Variants in MVB12A observed in about 807,000 individuals in gnomAD.
The protein encoded by MVB12A is CIN85/CD2AP family binding protein.
A neutral mutation model predicts 34.3 loss-of-function variants in MVB12A; 30 were observed. The ratio of observed to expected loss-of-function variants is 0.88; its 90% CI spans 0.65 to 1.19. MVB12A has a LOEUF of 1.19. Ranked by LOEUF, MVB12A falls within the 50% of genes most tolerant of loss-of-function variation. The pLI, the probability that MVB12A is intolerant of heterozygous loss-of-function variation, is 0.00. For missense variants in MVB12A, 355 were observed against 369.2 expected (o/e 0.96, Z 0.31); for synonymous variants, 158 against 158.9 (o/e 0.99, Z 0.04).
chr19:17,409,109 G>A (rs141308380), intron 2 of MVB12A, among the ~76,000 whole-genome samples: 2,098 of 149,850 alleles, frequency 0.014, 58 homozygotes, highest in African/African-American at 0.048. Context: ...GATTACAAGC[G>A]TGAGCCACCG....
At chr19:17,422,221 C>G (rs558294098) in intron 3 of MVB12A, 111 bp from the exon 4 acceptor site, 3 of 957,526 alleles carry the variant, frequency 3.1e-6, no homozygotes, top group Admixed American at 2.3e-5. Flanking sequence ...CCAATGTTGT[C>G]CATGTGGCTG....
At chr19:17,409,557 T>G (rs937340020) in intron 2 of MVB12A, among the ~76,000 whole-genome samples, 3 of 149,278 alleles carry the variant, frequency 2.0e-5, no homozygotes, top group Non-Finnish European at 4.4e-5. Context: ...CAAACAATTC[T>G]CCTGCCTCAG....
At chr19:17,423,433 G>A in intron 4 of MVB12A, 65 bp from the exon 5 acceptor site, 1 of 1,557,008 alleles carries the variant, frequency 6.4e-7, no homozygotes, top group Non-Finnish European at 8.7e-7. Flanking sequence ...GCCTTCTCCA[G>A]GGGCTATCCT....
chr19:17,414,995 C>G (rs188292108), intron 2 of MVB12A: 1 of 152,386 alleles, frequency 6.6e-6, no homozygotes, highest in Admixed American at 6.5e-5. Context: ...TCGAGACCAG[C>G]CTGGGTGAAC....
chr19:17,405,808 G>T, intron 1 of MVB12A: 1 of 468,726 alleles, frequency 2.1e-6, no homozygotes, highest in Non-Finnish European at 3.8e-6. Flanking sequence ...AAAGCCCTTG[G>T]GCCCTTCCCA....
Position 17,424,924 on chromosome 19 carries a change from C to T in MVB12A, c.760-7C>T. 1 of 1,602,118 alleles carries T rather than the reference C, an allele frequency of 6.2e-7. No individual in the cohort carries two copies. The highest frequency in any genetic ancestry group is 8.5e-7 in the Non-Finnish European group (1 of 1,173,000). ...ACCTGTTCACTCTCTCTCTCCCCAT[C>T]CCCCAGTATAACTACGGCTTCGTGG... On this transcript the variant is annotated splice_region_variant and splice_polypyrimidine_tract_variant and intron_variant, in intron 8 of 8. Coordinates refer to ENST00000317040, the MANE Select transcript of MVB12A (RefSeq NM_138401.4).
At chr19:17,407,818 C>A (rs1416240879) in intron 2 of MVB12A, among the ~76,000 whole-genome samples, 1 of 152,200 alleles carries the variant, frequency 6.6e-6, no homozygotes, top group Non-Finnish European at 1.5e-5. Context: ...GGAAAAGGAG[C>A]CTCCCTTTCC....
chr19:17,411,501 G>A (rs2074769272), intron 2 of MVB12A, among the ~76,000 whole-genome samples: 1 of 151,598 alleles, frequency 6.6e-6, no homozygotes. Flanking sequence ...GACCACAGAT[G>A]CTCAGTACCA....
chr19:17,405,947 G>A (rs896283459), intron 1 of MVB12A: 2 of 169,636 alleles, frequency 1.2e-5, no homozygotes, highest in Middle Eastern at 2.7e-3. Context: ...AAGAGGCAGA[G>A]GCCATCACTG....
chr19:17,420,487 G>A, intron 2 of MVB12A, 51 bp from the exon 3 acceptor site: 3 of 1,587,534 alleles, frequency 1.9e-6, no homozygotes, highest in Non-Finnish European at 2.6e-6. Context: ...TATGCCAGGT[G>A]CGCTGTCCCC....
chr19:17,412,091 CCCCCACAGTAAATGATCAAG>C (rs1568388014), intron 2 of MVB12A, among the ~76,000 whole-genome samples: 2 of 152,126 alleles, frequency 1.3e-5, no homozygotes, highest in African/African-American at 4.8e-5. Context: ...ACAGGACGGC[CCCCCACAGTAAATGATCAAG>C]CCCCAAGTGT....
In MVB12A at chr19:17,424,075, G is replaced by C; in HGVS notation, c.702+8G>C. 1 of 1,613,824 alleles carries C rather than the reference G, an allele frequency of 6.2e-7. No homozygotes were observed. Among genetic ancestry groups the C allele is most frequent in the Middle Eastern group, 1.6e-4 (1 of 6,062 alleles). ...AAGAGCTGCAGCCCCCTGGTGAGTC[G>C]GGGTCTCAGGGAGCCTGGGTCTGCG... On this transcript the variant is annotated splice_region_variant and intron_variant, in intron 7 of 8. Transcript: ENST00000317040.
In MVB12A at chr19:17,420,309, G is replaced by C. The variant is rs560187664; in HGVS notation, c.91-4G>C. ...TCCGGCGCTGACCCGCGTCCTCCCGGTAGATCTCCTGCACCGTCGAGGGGG... is the reference window on the plus strand; with the variant it reads ...TCCGGCGCTGACCCGCGTCCTCCCGCTAGATCTCCTGCACCGTCGAGGGGG... On this transcript the variant is annotated splice_region_variant and splice_polypyrimidine_tract_variant and intron_variant, in intron 1 of 8. Transcript: ENST00000317040. 43 of 1,592,670 alleles carry C rather than the reference G, an allele frequency of 2.7e-5. No homozygotes were observed.
intron 3 of MVB12A, chr19:17,421,235 A>G (rs1599607310): frequency 2.8e-6 from 1 of 353,154 alleles, no homozygotes; most frequent in South Asian, 2.1e-5. Context: ...CCCAGGCTGG[A>G]GTGCAATGGC....
At chr19:17,408,400 A>T (rs941263685) in intron 2 of MVB12A, among the ~76,000 whole-genome samples, 81 of 149,362 alleles carry the variant, frequency 5.4e-4, no homozygotes, top group Admixed American at 2.2e-3. Context: ...ATATATATAT[A>T]TTTTAAGTAC....
upstream of MVB12A, chr19:17,419,004 C>T (rs1452220434): frequency 6.6e-6 from 1 of 151,350 alleles, no homozygotes; most frequent in Non-Finnish European, 1.5e-5. Flanking sequence ...TAAATCACCA[C>T]AAACTGGAAC....
intron 8 of MVB12A, 125 bp downstream of exon 8, chr19:17,424,802 C>T: frequency 7.4e-7 from 1 of 1,344,238 alleles, no homozygotes; most frequent in Non-Finnish European, 1.0e-6. Flanking sequence ...GCCCCAGACA[C>T]ACACCATCTC....
chr19:17,420,318 C>G lies in MVB12A; in HGVS notation c.96C>G (p.Ser32=). 1 of 1,608,844 alleles carries G rather than the reference C, an allele frequency of 6.2e-7. No individual in the cohort carries two copies. Among genetic ancestry groups the G allele is most frequent in the Non-Finnish European group, 8.5e-7 (1 of 1,178,024 alleles). ...APPPRGFSAI[S]CTVEGAPASF... ...GACCCGCGTCCTCCCGGTAGATCTC[C>G]TGCACCGTCGAGGGGGCACCCGCCA... Residue 32 remains serine, a synonymous_variant, in exon 2 of 9, where the codon TCC becomes TCG. Transcript: ENST00000317040.
At chr19:17,420,021 C>CCAG, upstream of MVB12A, 2 of 439,938 alleles carry the variant, frequency 4.5e-6, 1 homozygote, top group Non-Finnish European at 6.9e-6. Context: ...CTCCGCCCCC[C>CCAG]CCCCCCGCAT....
Sources: allele counts gnomAD v4.1 joint callset (sites outside exome capture counted in the v4.1 genomes callset), GRCh38; gene constraint gnomAD v4.1.1; transcripts MANE v1.5; gene names NCBI Gene and HGNC (gene_info 2026-07-23, HGNC 2026-07-21).